Variants in PCLO observed in about 807,000 individuals in gnomAD.
The protein encoded by PCLO is piccolo presynaptic cytomatrix protein, also known as protein piccolo.
Under a neutral mutation model 427.5 loss-of-function variants are expected in PCLO, and 82 were observed. The ratio of observed to expected loss-of-function variants is 0.19; its 90% CI spans 0.16 to 0.23. PCLO has a LOEUF of 0.23. PCLO is among the 10% of genes least tolerant of loss of function. The pLI is 1.00. For missense variants in PCLO, 6,239 were observed against 6,115.9 expected, an observed-to-expected ratio of 1.02 and a Z score of -0.67; for synonymous variants, 2,357 against 2,155.4, an observed-to-expected ratio of 1.09 and a Z score of -2.59.
At chr7:82,888,688 G>C (rs1470232334) in intron 9 of PCLO, among the ~76,000 whole-genome samples, 1 of 152,032 alleles carries the variant, frequency 6.6e-6, no homozygotes, top group Admixed American at 6.6e-5. Context: ...ATTAAACTTA[G>C]ACTATTTATT....
At chr7:83,080,912 G>A (rs1002548071) in intron 3 of PCLO, among the ~76,000 whole-genome samples, 2 of 151,544 alleles carry the variant, frequency 1.3e-5, no homozygotes, top group African/African-American at 4.8e-5. Flanking sequence ...TAAGAGATTA[G>A]CAACAATAAC....
intron 3 of PCLO, among the ~76,000 whole-genome samples, chr7:83,107,274 T>C (rs1790881209): frequency 6.6e-6 from 1 of 152,160 alleles, no homozygotes; most frequent in South Asian, 2.1e-4. Flanking sequence ...TACCTCTATT[T>C]ACATTTTCTA....
In PCLO at chr7:82,986,661, C is replaced by T. The variant is rs184406482; in HGVS notation, c.3301-20174G>A. Among the ~76,000 whole-genome samples the T allele has an allele frequency of 2.0e-5, 3 of 151,984 alleles. No homozygotes were observed. The East Asian group carries it at 5.8e-4, about 29-fold the overall frequency. ...TTCATTCAAATGAGTTAAATATAAA[C>T]ATTTTACAAATAAAATTTAAGGCAC... On this transcript the variant is annotated intron_variant, in intron 3 of 24. Transcript: ENST00000333891.
intron 3 of PCLO, among the ~76,000 whole-genome samples, chr7:83,078,868 T>C (rs1790025422): frequency 6.6e-6 from 1 of 152,082 alleles, no homozygotes; most frequent in Non-Finnish European, 1.5e-5. Flanking sequence ...AACCTATTTT[T>C]GCAGAACTTG....
At chr7:83,027,996 T>C (rs1334567073) in intron 3 of PCLO, among the ~76,000 whole-genome samples, 1 of 139,968 alleles carries the variant, frequency 7.1e-6, no homozygotes, top group East Asian at 2.1e-4. Context: ...CCACAGCCAA[T>C]ATCATACTGA....
intron 9 of PCLO, among the ~76,000 whole-genome samples, chr7:82,901,828 CT>C (rs1207967876): frequency 6.6e-6 from 1 of 152,082 alleles, no homozygotes; most frequent in African/African-American, 2.4e-5. Flanking sequence ...TGAAAAAACG[CT>C]CATCATCACT....
In PCLO at chr7:82,761,470, T is replaced by C. The variant is rs2129467563; in HGVS notation, c.15031A>G (p.Ile5011Val). The change falls in exon 23 of 25, where the codon ATC becomes GTC. Residue 5011 changes from isoleucine to valine, a missense_variant. Physicochemically the swap from Ile to Val is conservative, Grantham distance 29. Around this residue, in one of 5 missense-constraint regions of PCLO, gnomAD observed 877 missense variants for 925.5 expected, o/e 0.95. Coordinates refer to ENST00000333891, the MANE Select transcript of PCLO (RefSeq NM_033026.6). Reference protein sequence around the residue: ...TEAKTQVMGEIKIALKKEMKT... With the variant: ...TEAKTQVMGEVKIALKKEMKT... ...ATTTCCTTCTTCAATGCAATCTTGATTTCTCCCATTACCTGAGTTTTAGCT... is the reference window on the plus strand; with the variant it reads ...ATTTCCTTCTTCAATGCAATCTTGACTTCTCCCATTACCTGAGTTTTAGCT... 6.3e-7 allele frequency: 1 copy of C among 1,599,394 alleles called. No individual in the cohort carries two copies. Among genetic ancestry groups the C allele is most frequent in the Non-Finnish European group, 8.5e-7 (1 of 1,172,792 alleles).
In PCLO at chr7:82,955,759, T is replaced by G. The variant is rs781135507; in HGVS notation, c.5194A>C (p.Thr1732Pro). The part of the protein sequence containing the change: ...ASSFTPGTSP[T>P]SVSSLDEDSD... ...TCCTCATCAAGTGATGATACTGATGTAGGGGATGTACCAGGAGTGAAGCTG... is the reference window on the plus strand; with the variant it reads ...TCCTCATCAAGTGATGATACTGATGGAGGGGATGTACCAGGAGTGAAGCTG... Residue 1732 changes from threonine (T) to proline (P), a missense_variant, in exon 5 of 25, where the codon ACA becomes CCA. Transcript: ENST00000333891. 6.2e-7 allele frequency: 1 copy of G among 1,613,880 alleles called. No individual in the cohort carries two copies. The highest frequency in any genetic ancestry group is 8.5e-7 in the Non-Finnish European group (1 of 1,179,828).
intron 13 of PCLO, among the ~76,000 whole-genome samples, chr7:82,843,542 A>C (rs1792420900): frequency 6.6e-6 from 1 of 152,180 alleles, no homozygotes; most frequent in Admixed American, 6.6e-5. Flanking sequence ...AGATTTAAAA[A>C]AAATTTTTTT....
intron 3 of PCLO, among the ~76,000 whole-genome samples, chr7:83,000,672 T>A (rs1787800714): frequency 6.6e-6 from 1 of 151,954 alleles, no homozygotes; most frequent in Non-Finnish European, 1.5e-5. Flanking sequence ...TGCTCACTGG[T>A]CTGCTGCTCA....
chr7:83,033,027 A>G (rs187278609), intron 3 of PCLO, among the ~76,000 whole-genome samples: 1 of 152,018 alleles, frequency 6.6e-6, no homozygotes, highest in South Asian at 2.1e-4. Flanking sequence ...TGGTTGTTTG[A>G]TAAGTGTTTG....
chr7:82,981,266 T>G (rs1033475575), intron 3 of PCLO, among the ~76,000 whole-genome samples: 3 of 151,546 alleles, frequency 2.0e-5, no homozygotes, highest in Non-Finnish European at 4.4e-5. Context: ...ATTCAGATCT[T>G]AAAGAATACA....
intron 3 of PCLO, among the ~76,000 whole-genome samples, chr7:83,010,172 T>G (rs766058089): frequency 1.3e-5 from 2 of 151,934 alleles, no homozygotes; most frequent in Non-Finnish European, 2.9e-5. Context: ...ATATCAGTGT[T>G]TCCTAGCACT....
At chr7:82,797,162 T>C (rs867525206) in intron 22 of PCLO, among the ~76,000 whole-genome samples, 1 of 152,106 alleles carries the variant, frequency 6.6e-6, no homozygotes, top group Non-Finnish European at 1.5e-5. Context: ...TTACTGAAAC[T>C]AAATTGGATT....
intron 3 of PCLO, among the ~76,000 whole-genome samples, chr7:82,979,648 T>C (rs895834331): frequency 6.6e-6 from 1 of 152,194 alleles, no homozygotes; most frequent in African/African-American, 2.4e-5. Context: ...CATATAAGGC[T>C]GAAGACTTAT....
intron 3 of PCLO, among the ~76,000 whole-genome samples, chr7:83,117,349 G>A (rs925140095): frequency 6.6e-6 from 1 of 152,086 alleles, no homozygotes; most frequent in Admixed American, 6.6e-5. Context: ...TGCCTCAGTG[G>A]GTGCACTTTC....
chr7:82,860,773 A>G (rs554414617), intron 10 of PCLO, among the ~76,000 whole-genome samples: 46 of 152,230 alleles, frequency 3.0e-4, no homozygotes, highest in Non-Finnish European at 6.2e-4. Context: ...ACATAGCATA[A>G]TAAGATATAA....
intron 2 of PCLO, among the ~76,000 whole-genome samples, chr7:83,137,103 C>T (rs1295537854): frequency 6.6e-6 from 1 of 152,100 alleles, no homozygotes; most frequent in African/African-American, 2.4e-5. Context: ...AGCACAGGCA[C>T]CAGACAAATT....
intron 16 of PCLO, among the ~76,000 whole-genome samples, chr7:82,834,952 T>TTTTGTTTG (rs879762811): frequency 4.7e-5 from 6 of 126,754 alleles, no homozygotes; most frequent in African/African-American, 1.3e-4. Flanking sequence ...TTATCTTTTT[T>TTTTGTTTG]TTTGTTTGTT....
Sources: allele counts gnomAD v4.1 joint callset (sites outside exome capture counted in the v4.1 genomes callset), GRCh38; gene constraint gnomAD v4.1.1; regional missense constraint gnomAD v4.1.1; transcripts MANE v1.5; gene names NCBI Gene and HGNC (gene_info 2026-07-23, HGNC 2026-07-21).